Variants in GTF2F2 observed in about 807,000 individuals in gnomAD.
The protein encoded by GTF2F2 is ATP-dependent helicase GTF2F2.
A neutral mutation model predicts 42.2 loss-of-function variants in GTF2F2; 23 were observed. The ratio of observed to expected loss-of-function variants is 0.55; its 90% confidence interval spans 0.39 to 0.77. The LOEUF (loss-of-function observed/expected upper bound fraction) is 0.77, where lower values mean the gene tolerates loss of function less well. GTF2F2 is among the 30% of genes least tolerant of loss of function. GTF2F2 has a pLI of 0.00. For missense variants in GTF2F2, 261 were observed against 287.2 expected (o/e 0.91, Z 0.66); for synonymous variants, 105 against 100.8 (o/e 1.04, Z -0.25).
chr13:45,234,318 T>C (rs1188065577), intron 5 of GTF2F2, among the ~76,000 whole-genome samples: 3 of 152,190 alleles, frequency 2.0e-5, no homozygotes, highest in African/African-American at 7.2e-5. Flanking sequence ...GACTGAAACA[T>C]AAAGCTGTTT....
At chr13:45,234,019 A>G (rs1044805434) in intron 5 of GTF2F2, among the ~76,000 whole-genome samples, 1 of 152,224 alleles carries the variant, frequency 6.6e-6, no homozygotes, top group East Asian at 1.9e-4. Flanking sequence ...CACTATAAAG[A>G]TGTCTACCAA....
chr13:45,164,338 C>T (rs1871167252), intron 4 of GTF2F2, among the ~76,000 whole-genome samples: 1 of 151,852 alleles, frequency 6.6e-6, no homozygotes. Context: ...ATAGTAATTC[C>T]CTTGGAACAA....
intron 7 of GTF2F2, among the ~76,000 whole-genome samples, chr13:45,275,787 G>A (rs961013731): frequency 6.6e-6 from 1 of 152,084 alleles, no homozygotes; most frequent in African/African-American, 2.4e-5. Context: ...CTTTATAACA[G>A]CATGATTTAT....
At chr13:45,263,658 A>C (rs981044747) in intron 6 of GTF2F2, 3 of 152,160 alleles carry the variant, frequency 2.0e-5, no homozygotes, top group Non-Finnish European at 4.4e-5. Context: ...TTATTTTCTG[A>C]ATCTCATTAC....
Position 45,225,696 on chromosome 13 carries a change from G to A in GTF2F2, c.386+18191G>A, listed in dbSNP as rs546213915. 3.3e-5 allele frequency among the ~76,000 whole-genome samples: 5 copies of A among 151,308 alleles called. No homozygotes were observed. In the South Asian group the frequency reaches 8.4e-4, roughly 25 times the overall value. ...ACCGTGATTAGAAAGCCAGAGCAAA[G>A]GCAAAATATTTCCACCCAAGTACTT... On this transcript the variant is annotated intron_variant, in intron 5 of 7. Coordinates refer to ENST00000340473, the MANE Select transcript of GTF2F2 (RefSeq NM_004128.3).
chr13:45,194,244 T>C (rs1341755658), intron 4 of GTF2F2: 1 of 1,614,138 alleles, frequency 6.2e-7, no homozygotes, highest in Non-Finnish European at 8.5e-7. Context: ...GTGCAAGAAG[T>C]TGATTTTCTC....
chr13:45,184,162 A>G (rs1164289154), intron 4 of GTF2F2, among the ~76,000 whole-genome samples: 2 of 152,004 alleles, frequency 1.3e-5, no homozygotes, highest in African/African-American at 4.8e-5. Context: ...GCTCATTCAC[A>G]TACTTTCCCA....
At chr13:45,142,839 C>T (rs1030132751) in intron 2 of GTF2F2, among the ~76,000 whole-genome samples, 1 of 151,838 alleles carries the variant, frequency 6.6e-6, no homozygotes, top group Non-Finnish European at 1.5e-5. Context: ...GAATGTCTTA[C>T]AGTGCATGTG....
chr13:45,276,599 G>A (rs942337770), intron 7 of GTF2F2, among the ~76,000 whole-genome samples: 1 of 152,022 alleles, frequency 6.6e-6, no homozygotes. Flanking sequence ...ACCATGCCTG[G>A]CCAATCTTTT....
At position 45,284,075 on chromosome 13, in the gene GTF2F2, C is replaced by G. The variant is rs987111047; in HGVS notation, c.*514C>G. 1.3e-5 allele frequency: 2 copies of G among 152,072 alleles called. No homozygotes were observed. The highest frequency in any genetic ancestry group is 2.9e-5 in the Non-Finnish European group (2 of 68,032). 9.4% of individuals were successfully genotyped at this position (152,072 alleles called of 1,614,324 possible). A position where few individuals can be genotyped will look rare whatever the true frequency, so the allele number is the denominator to read the frequency against. On this transcript the variant is annotated 3_prime_UTR_variant, in exon 8 of 8. Coordinates refer to ENST00000340473, the MANE Select transcript of GTF2F2 (RefSeq NM_004128.3). ...GATCACGTTTCGTGTTCATACTCAA[C>G]GTTAATAAAAGGAGAGAGTTTGTAG...
At chr13:45,238,719 C>T (rs190448241) in intron 5 of GTF2F2, among the ~76,000 whole-genome samples, 2,799 of 151,012 alleles carry the variant, frequency 0.019, 41 homozygotes, top group Non-Finnish European at 0.028. Flanking sequence ...CCGAGGCAGG[C>T]GGATCACCTG....
chr13:45,222,160 T>C (rs1322422184), intron 5 of GTF2F2, among the ~76,000 whole-genome samples: 1 of 152,214 alleles, frequency 6.6e-6, no homozygotes. Context: ...ATACTGACTA[T>C]ATCTCCACCA....
At chr13:45,164,429 A>G (rs910280070) in intron 4 of GTF2F2, among the ~76,000 whole-genome samples, 1 of 152,154 alleles carries the variant, frequency 6.6e-6, no homozygotes, top group African/African-American at 2.4e-5. Flanking sequence ...GAAGGTTTTC[A>G]AGTAAAGAAG....
At chr13:45,149,885 A>T (rs1289476246) in intron 3 of GTF2F2, 97 bp downstream of exon 3, 10 of 1,170,198 alleles carry the variant, frequency 8.5e-6, no homozygotes, top group Non-Finnish European at 1.2e-5. Flanking sequence ...AAAACTCCAC[A>T]TCAAGTGCAT....
intron 5 of GTF2F2, among the ~76,000 whole-genome samples, chr13:45,234,875 G>T (rs766301533): frequency 4.0e-5 from 6 of 151,684 alleles, no homozygotes; most frequent in Non-Finnish European, 8.8e-5. Flanking sequence ...GAGCAACCCC[G>T]TCTCTACTAA....
At chr13:45,130,737 C>T (rs967199262) in intron 1 of GTF2F2, among the ~76,000 whole-genome samples, 3 of 152,184 alleles carry the variant, frequency 2.0e-5, no homozygotes, top group Middle Eastern at 3.4e-3. Context: ...TATTAAGATA[C>T]GGAAAATTGC....
chr13:45,194,119 T>A lies in GTF2F2; in HGVS notation c.305-13305T>A, dbSNP rs772277733. ...GAAGATTCTTAATCCTTGTGAACGA[T>A]CGTGGTTATCTGTTATTTCCAAGAA... On this transcript the variant is annotated intron_variant, in intron 4 of 7. Transcript: ENST00000340473. The A allele has an allele frequency of 6.2e-7, 1 of 1,614,076 alleles. No homozygotes were observed. The highest frequency in any genetic ancestry group is 8.5e-7 in the Non-Finnish European group (1 of 1,179,962).
intron 2 of GTF2F2, among the ~76,000 whole-genome samples, chr13:45,147,107 C>T (rs1484661199): frequency 6.6e-6 from 1 of 152,174 alleles, no homozygotes; most frequent in East Asian, 1.9e-4. Flanking sequence ...TTGTCCTCTC[C>T]TCCTGTGTTC....
chr13:45,242,400 C>T (rs1875361779), intron 5 of GTF2F2, among the ~76,000 whole-genome samples: 1 of 151,800 alleles, frequency 6.6e-6, no homozygotes, highest in South Asian at 2.1e-4. Context: ...AAATGTCAGC[C>T]TCCGTCTCCC....
Sources: gnomAD v4.1 joint callset for allele counts (sites outside exome capture counted in the v4.1 genomes callset) on GRCh38, gnomAD v4.1.1 for gene constraint, MANE v1.5 for transcripts, NCBI Gene and HGNC (gene_info 2026-07-23, HGNC 2026-07-21) for gene names.